The following STAT4 variants were observed in gnomAD, a reference collection of about 807,000 sequenced individuals.
The protein encoded by STAT4 is signal transducer and activator of transcription 4.
In STAT4, 42 loss-of-function variants were observed where a neutral mutation model predicts 110.5. The ratio of observed to expected loss-of-function variants is 0.38; its 90% CI spans 0.30 to 0.49. The LOEUF (loss-of-function observed/expected upper bound fraction) is 0.49, where lower values mean the gene tolerates loss of function less well. Ranked by LOEUF, STAT4 falls within the 20% of genes least tolerant of loss-of-function variation. STAT4 has a pLI of 0.95. For missense variants in STAT4, 632 were observed against 887.9 expected, an observed-to-expected ratio of 0.71 and a Z score of 3.66; for synonymous variants, 284 against 302.2, an observed-to-expected ratio of 0.94 and a Z score of 0.63.
In STAT4 at chr2:191,113,950, G is replaced by A. The variant is rs958450220; in HGVS notation, c.273+32663C>T. Among the ~76,000 whole-genome samples the A allele has an allele frequency of 6.6e-6, 1 of 152,162 alleles. No homozygotes were observed. The highest frequency in any genetic ancestry group is 2.4e-5 in the African/African-American group (1 of 41,424). On this transcript the variant is annotated intron_variant, in intron 3 of 23. Transcript: ENST00000392320. This position sits in a 1 kb window ranked among gnomAD's most constrained non-coding sequence, Gnocchi z 4.8. ...CCACCACAGACAGGAGGTTCCCCTA[G>A]AGTTTATGGCTGATCAAATCTGATG...
At chr2:191,075,523 C>CAGA (rs1223694937) in intron 4 of STAT4, among the ~76,000 whole-genome samples, 1 of 152,124 alleles carries the variant, frequency 6.6e-6, no homozygotes, top group Non-Finnish European at 1.5e-5. Flanking sequence ...AGAGCAAGAC[C>CAGA]AGAACATACA....
At chr2:191,119,475 A>C (rs1312324092) in intron 3 of STAT4, among the ~76,000 whole-genome samples, 1 of 152,230 alleles carries the variant, frequency 6.6e-6, no homozygotes, top group Non-Finnish European at 1.5e-5. Flanking sequence ...CATTCATAAG[A>C]CATGAAAGAC....
At chr2:191,149,254 G>A (rs1410023998) in intron 1 of STAT4, among the ~76,000 whole-genome samples, 1 of 152,002 alleles carries the variant, frequency 6.6e-6, no homozygotes, top group East Asian at 1.9e-4. Flanking sequence ...TAGAACACCA[G>A]GGTAATTTCA....
intron 3 of STAT4, chr2:191,131,689 G>C: frequency 9.7e-7 from 1 of 1,032,326 alleles, no homozygotes. Flanking sequence ...GGTATAAAAT[G>C]TCAACAACAG....
chr2:191,137,376 A>G (rs1391367222), intron 3 of STAT4, among the ~76,000 whole-genome samples: 1 of 152,214 alleles, frequency 6.6e-6, no homozygotes, highest in Non-Finnish European at 1.5e-5. Context: ...AAATGGAAAG[A>G]CATCTCTATG....
intron 14 of STAT4, among the ~76,000 whole-genome samples, chr2:191,049,661 T>C (rs1267214738): frequency 6.6e-6 from 1 of 152,190 alleles, no homozygotes; most frequent in African/African-American, 2.4e-5. Context: ...TAGTGAATAT[T>C]TATTGAGCAT....
chr2:191,136,031 C>CAA (rs1419532476), intron 3 of STAT4, among the ~76,000 whole-genome samples: 1 of 124,300 alleles, frequency 8.0e-6, no homozygotes, highest in African/African-American at 3.0e-5. Context: ...AACCAAAAAA[C>CAA]AAAAAACCAA....
intron 13 of STAT4, among the ~76,000 whole-genome samples, chr2:191,055,605 G>A (rs867155551): frequency 5.3e-5 from 8 of 151,734 alleles, no homozygotes; most frequent in South Asian, 2.1e-4. Context: ...CACCCTCCTC[G>A]GCCTCCCAAA....
At chr2:191,097,606 C>T (rs934345813) in intron 3 of STAT4, among the ~76,000 whole-genome samples, 6 of 152,234 alleles carry the variant, frequency 3.9e-5, no homozygotes, top group South Asian at 4.1e-4. Context: ...TTACACCTTA[C>T]ACAAAAATTA....
Position 191,099,126 on chromosome 2 carries a change from T to C in STAT4, c.274-22801A>G, listed in dbSNP as rs1211134772. On this transcript the variant is annotated intron_variant, in intron 3 of 23. Coordinates refer to ENST00000392320, the MANE Select transcript of STAT4 (RefSeq NM_003151.4). The surrounding 1 kb of genome is among the most constrained non-coding windows in gnomAD (Gnocchi z 4.1). The stretch of plus-strand genomic sequence containing the variant: ...GGGAAAGGATGCCCCATCTCCCAAA[T>C]AGTTAGGAAAAAAGCAAATTTAAAA... Among the ~76,000 whole-genome samples, 1 of 151,782 alleles carries C rather than the reference T, an allele frequency of 6.6e-6. No individual in the cohort carries two copies. Among genetic ancestry groups the C allele is most frequent in the Non-Finnish European group, 1.5e-5 (1 of 67,900 alleles).
intron 3 of STAT4, among the ~76,000 whole-genome samples, chr2:191,123,108 C>G (rs1392138329): frequency 1.3e-5 from 2 of 152,212 alleles, no homozygotes; most frequent in Non-Finnish European, 2.9e-5. Flanking sequence ...GTATAATCTT[C>G]TCATGAAACA....
At position 191,032,944 on chromosome 2, in the gene STAT4, CAG is replaced by C; in HGVS notation, c.2044+12_2044+13del. 6.4e-7 allele frequency: 1 copy of C among 1,572,408 alleles called. No homozygotes were observed. The highest frequency in any genetic ancestry group is 8.6e-7 in the Non-Finnish European group (1 of 1,164,746). ...TTAAGGAAAAAAAAACAAAAACAAACAGAAAAACCTAACCTTCGCAAGGCTGA... is the reference window on the plus strand; with the variant it reads ...TTAAGGAAAAAAAAACAAAAACAAACAAAAACCTAACCTTCGCAAGGCTGA... On this transcript the variant is annotated intron_variant, in intron 21 of 23. Transcript: ENST00000392320. This position sits in a 1 kb window ranked among gnomAD's most constrained non-coding sequence, Gnocchi z 4.9.
At chr2:191,105,976 AT>A (rs1698267627) in intron 3 of STAT4, among the ~76,000 whole-genome samples, 1 of 152,086 alleles carries the variant, frequency 6.6e-6, no homozygotes, top group Non-Finnish European at 1.5e-5. Flanking sequence ...CCTCACTGGG[AT>A]TTGCTGTGAA....
chr2:191,033,106 C>A lies in STAT4; in HGVS notation c.1896G>T (p.Arg632=), dbSNP rs112819248. Residue 632 remains arginine (R), a synonymous_variant, in exon 21 of 24, where the codon CGG becomes CGT. Transcript: ENST00000392320. The surrounding 1 kb of genome is among the most constrained non-coding windows in gnomAD (Gnocchi z 6.9). The part of the protein sequence containing the change: ...FHSVEPYNKG[R]LSALPFADIL... The stretch of plus-strand genomic sequence containing the variant: ...TGTCAGCGAATGGCAGAGCAGACAA[C>A]CGGCCTTTATTGTAGGGTTCTACAG... 14 of 1,614,136 alleles carry A rather than the reference C, an allele frequency of 8.7e-6. No individual in the cohort carries two copies. Among genetic ancestry groups the A allele is most frequent in the African/African-American group, 6.7e-5 (5 of 75,040 alleles).
chr2:191,065,105 G>T, intron 7 of STAT4, 147 bp from the exon 8 acceptor site: 1 of 804,588 alleles, frequency 1.2e-6, no homozygotes. Context: ...TATTTGCCAG[G>T]CCTTTTCAAA....
intron 3 of STAT4, among the ~76,000 whole-genome samples, chr2:191,100,077 A>T (rs776452107): frequency 5.3e-5 from 8 of 152,180 alleles, no homozygotes; most frequent in Non-Finnish European, 1.0e-4. Context: ...AAAATTTTTA[A>T]TTAATTTACA....
rs1270135621 is a variant in STAT4 at position 191,082,052 on chromosome 2, G to T, written c.274-5727C>A. On this transcript the variant is annotated intron_variant, in intron 3 of 23. Transcript: ENST00000392320. The surrounding 1 kb of genome is among the most constrained non-coding windows in gnomAD (Gnocchi z 4.7). ...TCACTCCAGGGTCTTATTGTGCTGA[G>T]ATTTCTTTCATCTATTATGAGGAAT... 6.6e-6 allele frequency among the ~76,000 whole-genome samples: 1 copy of T among 152,134 alleles called. No homozygotes were observed. The highest frequency in any genetic ancestry group is 1.5e-5 in the Non-Finnish European group (1 of 68,030).
chr2:191,130,469 G>T (rs570280146), intron 3 of STAT4, among the ~76,000 whole-genome samples: 1 of 151,494 alleles, frequency 6.6e-6, no homozygotes, highest in Admixed American at 6.6e-5. Context: ...TGATCCGCCC[G>T]CCTCGGCCTC....
intron 3 of STAT4, among the ~76,000 whole-genome samples, chr2:191,115,193 T>G (rs1371291922): frequency 1.3e-5 from 2 of 152,184 alleles, no homozygotes; most frequent in African/African-American, 4.8e-5. Flanking sequence ...CTCCAGGTCA[T>G]TTCATCAAAA....
Sources: gnomAD v4.1 joint callset for allele counts (sites outside exome capture counted in the v4.1 genomes callset) on GRCh38, gnomAD v4.1.1 for gene constraint, Gnocchi (gnomAD v3.1) non-coding constraint, MANE v1.5 for transcripts, NCBI Gene and HGNC (gene_info 2026-07-23, HGNC 2026-07-21) for gene names.